Variants in EDDM3A observed in about 807,000 individuals in gnomAD.
The protein encoded by EDDM3A is epididymal protein 3A.
For synonymous variants in EDDM3A, 75 were observed against 60.4 expected, an observed-to-expected ratio of 1.24 and a Z score of -1.12; for missense variants, 199 against 177.4, an observed-to-expected ratio of 1.12 and a Z score of -0.69.
chr14:20,736,088 G>A, the EDDM3A span, among the ~76,000 whole-genome samples: 7 of 149,460 alleles, frequency 4.7e-5, no homozygotes, highest in African/African-American at 1.5e-4. Context: ...CCTAGTATGT[G>A]ACTCAGGCCC....
At chr14:20,741,993 G>C (rs767501365), upstream of EDDM3A, among the ~76,000 whole-genome samples, 2 of 152,196 alleles carry the variant, frequency 1.3e-5, no homozygotes, top group Non-Finnish European at 1.5e-5. Context: ...CTTGCCTAAA[G>C]CGTCACTTCT....
chr14:20,740,575 A>G, the EDDM3A span, among the ~76,000 whole-genome samples: 1 of 152,106 alleles, frequency 6.6e-6, no homozygotes, highest in East Asian at 1.9e-4. Context: ...ATTTTTACCA[A>G]TTGGAAGGAG....
upstream of EDDM3A, among the ~76,000 whole-genome samples, chr14:20,744,696 T>C (rs190330871): frequency 2.9e-3 from 441 of 152,334 alleles, 3 homozygotes; most frequent in South Asian, 3.1e-3. Context: ...TTGTGACCTA[T>C]ACTTCACAGT....
chr14:20,742,506 T>C (rs377320037), upstream of EDDM3A, among the ~76,000 whole-genome samples: 65 of 152,394 alleles, frequency 4.3e-4, 1 homozygote, highest in South Asian at 5.6e-3. Context: ...ACGATAGGTG[T>C]GTGGCCTGAT....
chr14:20,736,341 CTCG>C, the EDDM3A span, among the ~76,000 whole-genome samples: 1 of 152,172 alleles, frequency 6.6e-6, no homozygotes, highest in African/African-American at 2.4e-5. Context: ...GACTCCCGAC[CTCG>C]GGTGATTTTC....
upstream of EDDM3A, among the ~76,000 whole-genome samples, chr14:20,744,338 A>G (rs1471559192): frequency 2.0e-5 from 3 of 152,234 alleles, no homozygotes; most frequent in African/African-American, 7.2e-5. Context: ...TAAGTTCTGG[A>G]TATAAACTGA....
At chr14:20,744,300 C>G (rs1448846930), upstream of EDDM3A, among the ~76,000 whole-genome samples, 2 of 152,202 alleles carry the variant, frequency 1.3e-5, no homozygotes, top group Non-Finnish European at 2.9e-5. Context: ...TACTCAAGGA[C>G]TGCTTCACAG....
upstream of EDDM3A, among the ~76,000 whole-genome samples, chr14:20,745,071 A>T (rs889784241): frequency 5.3e-5 from 8 of 152,122 alleles, no homozygotes; most frequent in Admixed American, 2.0e-4. Context: ...AAATTAATAC[A>T]AAAAACTAGC....
chr14:20,743,117 A>G (rs1263146271), upstream of EDDM3A, among the ~76,000 whole-genome samples: 1 of 152,232 alleles, frequency 6.6e-6, no homozygotes, highest in African/African-American at 2.4e-5. Flanking sequence ...AATTCCATCC[A>G]TGGAGCCCTT....
At chr14:20,742,721 A>C (rs1877471457), upstream of EDDM3A, among the ~76,000 whole-genome samples, 1 of 151,760 alleles carries the variant, frequency 6.6e-6, no homozygotes. Context: ...CAAGTAGCTG[A>C]GGTTACAGGC....
the EDDM3A span, among the ~76,000 whole-genome samples, chr14:20,737,481 G>T: frequency 6.6e-6 from 1 of 152,032 alleles, no homozygotes; most frequent in Non-Finnish European, 1.5e-5. Context: ...GGATGAGAAA[G>T]AACACCTCCT....
intron 1 of EDDM3A, among the ~76,000 whole-genome samples, chr14:20,746,971 C>T (rs117270106): frequency 0.017 from 2,590 of 152,230 alleles, 29 homozygotes; most frequent in Non-Finnish European, 0.026. Flanking sequence ...GTGATTGGCT[C>T]CTCAAATTGG....
intron 1 of EDDM3A, among the ~76,000 whole-genome samples, chr14:20,746,277 T>G (rs2139081148): frequency 6.6e-6 from 1 of 152,260 alleles, no homozygotes. Flanking sequence ...AGGAACCCTG[T>G]GCCTGATGTG....
chr14:20,737,057 T>TTTTCTTC, the EDDM3A span, among the ~76,000 whole-genome samples: 1 of 147,748 alleles, frequency 6.8e-6, no homozygotes. Context: ...CTTTTTCCTT[T>TTTTCTTC]TTTTTTTTTT....
upstream of EDDM3A, among the ~76,000 whole-genome samples, chr14:20,744,491 G>A (rs1452692849): frequency 6.6e-6 from 1 of 152,216 alleles, no homozygotes; most frequent in Non-Finnish European, 1.5e-5. Flanking sequence ...GACTAGTGTT[G>A]ATGAACCAGT....
At chr14:20,743,092 T>C (rs1877485705), upstream of EDDM3A, among the ~76,000 whole-genome samples, 1 of 152,222 alleles carries the variant, frequency 6.6e-6, no homozygotes, top group Admixed American at 6.5e-5. Flanking sequence ...ACTGCACTAC[T>C]GCATTGATCC....
chr14:20,746,717 G>C (rs1877599233), intron 1 of EDDM3A, among the ~76,000 whole-genome samples: 4 of 152,200 alleles, frequency 2.6e-5, no homozygotes, highest in Admixed American at 2.6e-4. Flanking sequence ...TTTGGGGAAA[G>C]TGTTATAAGG....
the EDDM3A span, among the ~76,000 whole-genome samples, chr14:20,738,712 C>T: frequency 0.92 from 140,758 of 152,248 alleles, 65,146 homozygotes; most frequent in East Asian, 1. Context: ...GTGTATCTCA[C>T]GTATACATGG....
chr14:20,744,742 G>A (rs1274005607), upstream of EDDM3A, among the ~76,000 whole-genome samples: 1 of 152,132 alleles, frequency 6.6e-6, no homozygotes, highest in African/African-American at 2.4e-5. Flanking sequence ...AGAAACTATG[G>A]CCAGGCTATG....
Sources: allele counts gnomAD v4.1 joint callset (sites outside exome capture counted in the v4.1 genomes callset), GRCh38; gene constraint gnomAD v4.1.1; transcripts MANE v1.5; gene names NCBI Gene and HGNC (gene_info 2026-07-23, HGNC 2026-07-21).